DIDO1: variants seen among roughly 807,000 people sequenced by gnomAD.
DIDO1 encodes the protein death inducer-obliterator 1.
A neutral mutation model predicts 99.4 loss-of-function variants in DIDO1; 16 were observed. The observed-to-expected ratio is 0.16, with a 90% CI of 0.11 to 0.24. The LOEUF is 0.24. DIDO1 is among the 10% of genes least tolerant of loss of function. DIDO1 has a pLI of 1.00. For missense variants in DIDO1, 2,996 were observed against 3,014.0 expected (o/e 0.99, Z 0.14); for synonymous variants, 1,366 against 1,239.1 (o/e 1.10, Z -2.15).
At chr20:62,915,429 C>A (rs2065020668) in intron 1 of DIDO1, among the ~76,000 whole-genome samples, 2 of 152,232 alleles carry the variant, frequency 1.3e-5, no homozygotes, top group South Asian at 2.1e-4. Flanking sequence ...TCAGAAACGA[C>A]TGCTCAGAAA....
At chr20:62,889,084 A>G in intron 15 of DIDO1, 1 of 985,426 alleles carries the variant, frequency 1.0e-6, no homozygotes, top group South Asian at 4.7e-5. Context: ...GGCGAGTGTG[A>G]CGTTCCCCCA....
intron 1 of DIDO1, among the ~76,000 whole-genome samples, chr20:62,919,041 G>A (rs987132667): frequency 6.6e-6 from 1 of 152,094 alleles, no homozygotes; most frequent in Non-Finnish European, 1.5e-5. Context: ...TACCATGATG[G>A]CCCACTCAAA....
intron 6 of DIDO1, among the ~76,000 whole-genome samples, chr20:62,898,336 C>T (rs1025952928): frequency 6.6e-6 from 1 of 152,190 alleles, no homozygotes. Flanking sequence ...AGCAGCCAGT[C>T]CATCAAGCAG....
intron 15 of DIDO1, 63 bp from the exon 16 acceptor site, chr20:62,882,477 GA>G (rs2064225665): frequency 6.8e-7 from 1 of 1,478,368 alleles, no homozygotes; most frequent in Admixed American, 2.1e-5. Flanking sequence ...CTTTAGAGGT[GA>G]ATTTCATTAA....
chr20:62,927,120 G>A (rs562264979), upstream of DIDO1, among the ~76,000 whole-genome samples: 35 of 152,286 alleles, frequency 2.3e-4, no homozygotes, highest in East Asian at 5.2e-3. Context: ...GGGTGGGGGG[G>A]AGAGAAAGGA....
intron 2 of DIDO1, among the ~76,000 whole-genome samples, chr20:62,912,130 C>T (rs1002738670): frequency 2.0e-5 from 3 of 152,168 alleles, no homozygotes; most frequent in Non-Finnish European, 4.4e-5. Flanking sequence ...TATGGGCTGG[C>T]CACCACCATG....
At chr20:62,882,681 A>T (rs946160420) in intron 15 of DIDO1, among the ~76,000 whole-genome samples, 1 of 152,160 alleles carries the variant, frequency 6.6e-6, no homozygotes, top group Non-Finnish European at 1.5e-5. Context: ...GGGGGCGACT[A>T]ACCCCTCGTC....
rs746294800 is a variant in DIDO1 at position 62,879,260 on chromosome 20, G to A, written c.6696C>T (p.Ser2232=). ...RDPKPEASRA[S]DAGTASQA ...AGGCCTGCGAGGCGGTGCCAGCGTCGGAGGCCCTCGAGGCCTCGGGCTTCG... is the reference window on the plus strand; with the variant it reads ...AGGCCTGCGAGGCGGTGCCAGCGTCAGAGGCCCTCGAGGCCTCGGGCTTCG... The change falls in exon 16 of 16, where the codon TCC becomes TCT. Residue 2232 remains serine, a synonymous_variant. Transcript: ENST00000395343. This position sits in a 1 kb window ranked among gnomAD's most constrained non-coding sequence, Gnocchi z 6.3. 7.1e-6 allele frequency: 11 copies of A among 1,554,582 alleles called. No individual in the cohort carries two copies. The Admixed American group carries it at 1.9e-4, about 27-fold the overall frequency.
chr20:62,915,210 C>A (rs1383469697), intron 1 of DIDO1, among the ~76,000 whole-genome samples: 1 of 152,162 alleles, frequency 6.6e-6, no homozygotes, highest in African/African-American at 2.4e-5. Flanking sequence ...CATAGTGTTT[C>A]GCATCTGTGA....
rs2064181401 is a variant in DIDO1 at position 62,880,502 on chromosome 20, A to T, written c.5454T>A (p.Pro1818=). 1.2e-6 allele frequency: 2 copies of T among 1,612,934 alleles called. No homozygotes were observed. Among genetic ancestry groups the T allele is most frequent in the Non-Finnish European group, 8.5e-7 (1 of 1,179,962 alleles). ...PSLFSGQHGP[P]PYGDSRGPSP... ...AGGGGCCTCTGCTGTCCCCATAAGG[A>T]GGTGGCCCATGTTGCCCCGAGAATA... The change falls in exon 16 of 16, where the codon CCT becomes CCA. Residue 1818 remains proline, a synonymous_variant. Coordinates refer to ENST00000395343, the MANE Select transcript of DIDO1 (RefSeq NM_001193369.2).
intron 15 of DIDO1, chr20:62,889,123 G>T: frequency 6.1e-6 from 6 of 985,534 alleles, no homozygotes; most frequent in Non-Finnish European, 7.2e-6. Context: ...AGTGTGGGTG[G>T]TTGGTGCCAT....
At chr20:62,884,766 T>C (rs771485408) in intron 15 of DIDO1, among the ~76,000 whole-genome samples, 21 of 152,180 alleles carry the variant, frequency 1.4e-4, no homozygotes, top group Non-Finnish European at 2.8e-4. Context: ...CTTCACAGGC[T>C]GCTGGACAGA....
At chr20:62,892,288 T>G (rs904428268) in intron 13 of DIDO1, among the ~76,000 whole-genome samples, 3 of 152,074 alleles carry the variant, frequency 2.0e-5, no homozygotes, top group African/African-American at 7.2e-5. Context: ...CCAGACAAGA[T>G]TATGTTTAGA....
At chr20:62,919,575 A>G (rs2065098599) in intron 1 of DIDO1, among the ~76,000 whole-genome samples, 1 of 152,110 alleles carries the variant, frequency 6.6e-6, no homozygotes, top group Non-Finnish European at 1.5e-5. Context: ...AGGGTGCCAC[A>G]ACACAGTATG....
chr20:62,879,196 C>A lies in DIDO1; in HGVS notation c.*37G>T. ...CTATTTGTTCAACGCATCTTACGAA[C>A]GTGGCTTTAAAAAGGGTCTCTGCCC... On this transcript the variant is annotated 3_prime_UTR_variant, in exon 16 of 16. Coordinates refer to ENST00000395343, the MANE Select transcript of DIDO1 (RefSeq NM_001193369.2). The surrounding 1 kb of genome is among the most constrained non-coding windows in gnomAD (Gnocchi z 6.3). The A allele has an allele frequency of 6.9e-7, 1 of 1,444,258 alleles. No individual in the cohort carries two copies. Among genetic ancestry groups the A allele is most frequent in the Non-Finnish European group, 9.1e-7 (1 of 1,103,266 alleles). 89.5% of individuals were successfully genotyped at this position (1,444,258 alleles called of 1,614,324 possible). A position where few individuals can be genotyped will look rare whatever the true frequency, so the allele number is the denominator to read the frequency against.
intron 1 of DIDO1, among the ~76,000 whole-genome samples, chr20:62,934,751 G>C (rs911964931): frequency 4.6e-5 from 7 of 152,094 alleles, no homozygotes; most frequent in Non-Finnish European, 1.0e-4. Context: ...CATCAAATGG[G>C]GAGTTTTGGC....
In DIDO1 at chr20:62,895,142, A is replaced by G. The variant is rs2147408758; in HGVS notation, c.2238T>C (p.Arg746=). The part of the protein sequence containing the change: ...KNQGLFHRVL[R]EEISLAKLVR... Reference sequence around the variant, plus strand: ...CAAGTTTCGCCAAAGAGATTTCCTCACGCAGAACACGATGGAAGAGTCCCT... The same window carrying G: ...CAAGTTTCGCCAAAGAGATTTCCTCGCGCAGAACACGATGGAAGAGTCCCT... Residue 746 remains arginine (R), a synonymous_variant, in exon 9 of 16, where the codon CGT becomes CGC. Coordinates refer to ENST00000395343, the MANE Select transcript of DIDO1 (RefSeq NM_001193369.2). The G allele has an allele frequency of 6.2e-7, 1 of 1,611,284 alleles. No homozygotes were observed. Among genetic ancestry groups the G allele is most frequent in the Non-Finnish European group, 8.5e-7 (1 of 1,177,598 alleles).
intron 1 of DIDO1, among the ~76,000 whole-genome samples, chr20:62,924,422 C>T (rs2065214790): frequency 6.6e-6 from 1 of 152,144 alleles, no homozygotes; most frequent in Admixed American, 6.5e-5. Context: ...AAAGGAAAAA[C>T]GTGTCTTGTT....
intron 1 of DIDO1, among the ~76,000 whole-genome samples, chr20:62,925,631 T>C (rs1043260970): frequency 2.6e-5 from 4 of 152,204 alleles, no homozygotes; most frequent in Non-Finnish European, 5.9e-5. Flanking sequence ...TAAAGTCCTT[T>C]ATTTAGAGCA....
Sources: allele counts gnomAD v4.1 joint callset (sites outside exome capture counted in the v4.1 genomes callset), GRCh38; gene constraint gnomAD v4.1.1; non-coding constraint Gnocchi (gnomAD v3.1); transcripts MANE v1.5; gene names NCBI Gene and HGNC (gene_info 2026-07-23, HGNC 2026-07-21).